The following TEAD1 variants were observed in gnomAD, a reference collection of about 807,000 sequenced individuals.
The protein encoded by TEAD1 is TEA domain transcription factor 1, also known as transcriptional enhancer factor TEF-1.
Under a neutral mutation model 54.9 loss-of-function variants are expected in TEAD1, and 9 were observed. That is an observed-to-expected ratio of 0.16 (90% confidence interval 0.10 to 0.29). The LOEUF is 0.29. Among genes scored for constraint, TEAD1 ranks in the 10% least tolerant of loss-of-function variants. TEAD1 has a pLI of 1.00. For missense variants in TEAD1, 387 were observed against 535.9 expected, an observed-to-expected ratio of 0.72 and a Z score of 2.74; for synonymous variants, 200 against 187.8, an observed-to-expected ratio of 1.07 and a Z score of -0.53.
At chr11:12,756,249 C>G (rs1249777996) in intron 2 of TEAD1, among the ~76,000 whole-genome samples, 1 of 152,198 alleles carries the variant, frequency 6.6e-6, no homozygotes, top group Admixed American at 6.5e-5. Flanking sequence ...TAGAGGGAAC[C>G]TGTTGGCATT....
intron 9 of TEAD1, among the ~76,000 whole-genome samples, chr11:12,891,555 G>GAC (rs1408416474): frequency 1.3e-5 from 2 of 152,250 alleles, no homozygotes. Flanking sequence ...GATAAGATTT[G>GAC]AAGAGTCCTG....
chr11:12,702,666 C>T (rs1315626108), intron 2 of TEAD1, among the ~76,000 whole-genome samples: 3 of 152,122 alleles, frequency 2.0e-5, no homozygotes, highest in Admixed American at 1.3e-4. Flanking sequence ...CTTCCATGTT[C>T]TCCCAAATCA....
intron 3 of TEAD1, among the ~76,000 whole-genome samples, chr11:12,770,104 A>G (rs374980286): frequency 6.6e-6 from 1 of 151,832 alleles, no homozygotes; most frequent in South Asian, 2.1e-4. Flanking sequence ...CAAAATATGG[A>G]CAATAGCAGA....
At chr11:12,755,082 T>C (rs573217607) in intron 2 of TEAD1, among the ~76,000 whole-genome samples, 36 of 152,318 alleles carry the variant, frequency 2.4e-4, no homozygotes, top group African/African-American at 8.7e-4. Context: ...ATCATTTAAG[T>C]TGGCTGTCAA....
At position 12,939,684 on chromosome 11, in the gene TEAD1, C is replaced by T. The variant is rs1949142196; in HGVS notation, c.*2462C>T. 6.6e-6 allele frequency: 1 copy of T among 152,264 alleles called. No homozygotes were observed. Among genetic ancestry groups the T allele is most frequent in the African/African-American group, 2.4e-5 (1 of 41,452 alleles). The allele number at this position is 152,264 out of a possible 1,614,324, so 9.4% of individuals were successfully genotyped here. On this transcript the variant is annotated 3_prime_UTR_variant, in exon 13 of 13. Transcript: ENST00000527636. ...CTTTGCAGTTGAGTTTTCTGGGTTT[C>T]TATGATTGACCTTGAGGTTTACTCC...
chr11:12,879,666 A>G (rs1307643473), intron 5 of TEAD1, 42 bp from the exon 6 acceptor site: 2 of 1,613,842 alleles, frequency 1.2e-6, no homozygotes, highest in Non-Finnish European at 1.7e-6. Flanking sequence ...CCTGGTAGCC[A>G]TGCGTTATGT....
intron 2 of TEAD1, among the ~76,000 whole-genome samples, chr11:12,691,724 C>CA (rs1398614236): frequency 6.6e-6 from 1 of 152,146 alleles, no homozygotes; most frequent in Non-Finnish European, 1.5e-5. Flanking sequence ...TCATTGCCTT[C>CA]ATCATGTCTG....
At chr11:12,719,933 T>G in intron 2 of TEAD1, among the ~76,000 whole-genome samples, 2 of 139,612 alleles carry the variant, frequency 1.4e-5, no homozygotes, top group African/African-American at 5.3e-5. Flanking sequence ...AACCGGCGTG[T>G]GTTTGGAAAT....
chr11:12,852,733 C>G (rs1193423824), intron 3 of TEAD1, among the ~76,000 whole-genome samples: 1 of 152,162 alleles, frequency 6.6e-6, no homozygotes. Flanking sequence ...CAGGCATGAG[C>G]CACCATGCCT....
intron 9 of TEAD1, among the ~76,000 whole-genome samples, chr11:12,892,684 T>TA (rs1948222095): frequency 6.6e-6 from 1 of 152,012 alleles, no homozygotes; most frequent in African/African-American, 2.4e-5. Context: ...GCAGCAGCAG[T>TA]AAGGTTTTAA....
chr11:12,682,101 A>T (rs1943235454), intron 2 of TEAD1, among the ~76,000 whole-genome samples: 1 of 152,328 alleles, frequency 6.6e-6, no homozygotes, highest in Middle Eastern at 3.4e-3. Flanking sequence ...GGAACCATTG[A>T]TCTAGATATT....
At chr11:12,800,464 G>A (rs1176458936) in intron 3 of TEAD1, among the ~76,000 whole-genome samples, 1 of 152,188 alleles carries the variant, frequency 6.6e-6, no homozygotes, top group Non-Finnish European at 1.5e-5. Flanking sequence ...CATACCAGCT[G>A]GGGAGACTGA....
intron 2 of TEAD1, among the ~76,000 whole-genome samples, chr11:12,740,957 T>G (rs1453914398): frequency 6.6e-6 from 1 of 152,172 alleles, no homozygotes; most frequent in Admixed American, 6.5e-5. Context: ...TGATGTTTAC[T>G]TAAATTTTCT....
intron 3 of TEAD1, among the ~76,000 whole-genome samples, chr11:12,851,983 A>T (rs1429895381): frequency 6.6e-6 from 1 of 152,178 alleles, no homozygotes; most frequent in Non-Finnish European, 1.5e-5. Context: ...TTGAGGTTAC[A>T]AAGCAGGAAA....
intron 3 of TEAD1, among the ~76,000 whole-genome samples, chr11:12,801,090 C>A (rs1449316936): frequency 6.6e-6 from 1 of 152,168 alleles, no homozygotes; most frequent in Non-Finnish European, 1.5e-5. Context: ...TTAACCCAGG[C>A]AGGGAGGGGC....
At chr11:12,887,297 G>C (rs888094280) in intron 9 of TEAD1, among the ~76,000 whole-genome samples, 1 of 151,974 alleles carries the variant, frequency 6.6e-6, no homozygotes, top group East Asian at 1.9e-4. Flanking sequence ...GGGTTTCACC[G>C]TGTTAGCCAA....
intron 2 of TEAD1, among the ~76,000 whole-genome samples, chr11:12,710,056 A>G (rs1203271664): frequency 6.6e-6 from 1 of 151,852 alleles, no homozygotes; most frequent in African/African-American, 2.4e-5. Flanking sequence ...GCCAGGCACT[A>G]TGGCTCACAC....
At chr11:12,881,119 C>A (rs1947957172) in intron 7 of TEAD1, 68 bp downstream of exon 7, 1 of 1,553,616 alleles carries the variant, frequency 6.4e-7, no homozygotes, top group Non-Finnish European at 8.9e-7. Context: ...GAGAGCTCTT[C>A]CTGGACCATA....
At chr11:12,934,214 A>T (rs566318086) in intron 12 of TEAD1, among the ~76,000 whole-genome samples, 1 of 152,346 alleles carries the variant, frequency 6.6e-6, no homozygotes, top group South Asian at 2.1e-4. Flanking sequence ...GCCATAAAAA[A>T]TGATGAGTTC....
Sources: gnomAD v4.1 joint callset for allele counts (sites outside exome capture counted in the v4.1 genomes callset) on GRCh38, gnomAD v4.1.1 for gene constraint, MANE v1.5 for transcripts, NCBI Gene and HGNC (gene_info 2026-07-23, HGNC 2026-07-21) for gene names.